The following PDE4D variants were observed in gnomAD, a reference collection of about 807,000 sequenced individuals.
PDE4D encodes 3',5'-cyclic-AMP phosphodiesterase 4D.
Under a neutral mutation model 87.4 loss-of-function variants are expected in PDE4D, and 24 were observed. The observed-to-expected ratio is 0.27, with a 90% CI of 0.20 to 0.39. The LOEUF (loss-of-function observed/expected upper bound fraction) is 0.39. PDE4D is among the 10% of genes least tolerant of loss of function. The probability of loss-of-function intolerance (pLI) is 1.00; values close to 1 mark genes in which losing one functional copy is unlikely to be tolerated. For synonymous variants in PDE4D, 384 were observed against 383.2 expected (o/e 1.00, Z -0.02); for missense variants, 714 against 1,041.0 (o/e 0.69, Z 4.32).
intron 4 of PDE4D, among the ~76,000 whole-genome samples, chr5:59,181,772 G>A (rs1428073071): frequency 1.3e-5 from 2 of 152,046 alleles, no homozygotes; most frequent in South Asian, 2.1e-4. Context: ...TGAAGAACTT[G>A]TTTTAAGTAA....
intron 1 of PDE4D, among the ~76,000 whole-genome samples, chr5:59,617,267 T>C (rs2150094644): frequency 6.6e-6 from 1 of 152,194 alleles, no homozygotes; most frequent in African/African-American, 2.4e-5. Context: ...GGTAGCCCTG[T>C]ATAGTGAAAG....
chr5:60,251,914 G>C lies in PDE4D; in HGVS notation c.-89-66227C>G, dbSNP rs1172396992. On this transcript the variant is annotated intron_variant, in intron 1 of 16. Coordinates refer to the PDE4D transcript ENST00000502484. ...CCTGCAAGCTTCATTCATGGTAAGT[G>C]TCCTATACAGAGGTCACTTTTTTTC... Among the ~76,000 whole-genome samples, 3 of 151,870 alleles carry C rather than the reference G, an allele frequency of 2.0e-5. No individual in the cohort carries two copies. The East Asian group carries it at 5.8e-4, about 29-fold the overall frequency.
chr5:59,815,708 A>T (rs1768900722), intron 1 of PDE4D, among the ~76,000 whole-genome samples: 1 of 152,252 alleles, frequency 6.6e-6, no homozygotes, highest in Non-Finnish European at 1.5e-5. Context: ...AATTTCAACA[A>T]AGCATTTCAC....
At chr5:59,282,760 G>A (rs1424653227) in intron 1 of PDE4D, among the ~76,000 whole-genome samples, 5 of 150,086 alleles carry the variant, frequency 3.3e-5, no homozygotes, top group Non-Finnish European at 7.4e-5. Flanking sequence ...GTTGAAAATT[G>A]TTTTATTAGA....
chr5:60,326,073 G>T (rs1286397994), intron 1 of PDE4D, among the ~76,000 whole-genome samples: 1 of 152,068 alleles, frequency 6.6e-6, no homozygotes. Context: ...CCCACTGAAG[G>T]ACATCTGTGT....
chr5:59,714,191 G>A (rs961968789), intron 1 of PDE4D, among the ~76,000 whole-genome samples: 1 of 152,198 alleles, frequency 6.6e-6, no homozygotes, highest in Non-Finnish European at 1.5e-5. Context: ...ATTTGACTTT[G>A]GCCAGGGTTG....
At chr5:60,470,289 G>T (rs981695224) in intron 1 of PDE4D, among the ~76,000 whole-genome samples, 4 of 152,190 alleles carry the variant, frequency 2.6e-5, no homozygotes. Context: ...AGCTAACAGA[G>T]ATTGATTCAT....
At chr5:59,854,444 T>G (rs761530437) in intron 1 of PDE4D, among the ~76,000 whole-genome samples, 1 of 152,084 alleles carries the variant, frequency 6.6e-6, no homozygotes, top group Non-Finnish European at 1.5e-5. Flanking sequence ...TTATCTTCAT[T>G]CCTTTTCAAG....
At chr5:59,192,543 A>T (rs762950062) in intron 3 of PDE4D, among the ~76,000 whole-genome samples, 1 of 152,220 alleles carries the variant, frequency 6.6e-6, no homozygotes, top group Non-Finnish European at 1.5e-5. Context: ...AGTTGAAAAA[A>T]AAGAGGACCC....
intron 1 of PDE4D, among the ~76,000 whole-genome samples, chr5:60,366,399 A>C (rs187512411): frequency 4.9e-4 from 74 of 152,260 alleles, no homozygotes; most frequent in African/African-American, 1.7e-3. Flanking sequence ...AAAGGCTAAA[A>C]CACCACTATT....
At chr5:59,177,009 C>T (rs1467037140) in intron 5 of PDE4D, among the ~76,000 whole-genome samples, 2 of 152,178 alleles carry the variant, frequency 1.3e-5, no homozygotes, top group African/African-American at 2.4e-5. Flanking sequence ...TCTCACTGTT[C>T]CCTTTCCTTC....
chr5:60,222,177 A>G (rs1744571708), intron 1 of PDE4D, among the ~76,000 whole-genome samples: 1 of 152,112 alleles, frequency 6.6e-6, no homozygotes. Context: ...CATTCACTCC[A>G]GGGCACGTCA....
In PDE4D at chr5:59,732,078, C is replaced by A. The variant is rs545070952; in HGVS notation, c.455+161090G>T. Among the ~76,000 whole-genome samples the A allele has an allele frequency of 2.6e-5, 4 of 152,108 alleles. No individual in the cohort carries two copies. The South Asian group carries it at 8.3e-4, about 32-fold the overall frequency. ...AATCTGTCTAGATAGATCACTGCTG[C>A]GCAAACATCATTGCAGTTCCTAATG... On this transcript the variant is annotated intron_variant, in intron 1 of 14. Transcript: ENST00000340635.
At chr5:60,444,527 C>T (rs1487386080) in intron 1 of PDE4D, among the ~76,000 whole-genome samples, 4 of 152,090 alleles carry the variant, frequency 2.6e-5, no homozygotes, top group Non-Finnish European at 5.9e-5. Context: ...GGAGAGAGAT[C>T]AGCATTGCTT....
chr5:59,510,336 A>C (rs1306771770), intron 1 of PDE4D, among the ~76,000 whole-genome samples: 1 of 151,660 alleles, frequency 6.6e-6, no homozygotes, highest in African/African-American at 2.4e-5. Flanking sequence ...CAAAAAAGTA[A>C]AGGAAAATAA....
At chr5:60,168,727 C>A (rs1425655768) in intron 2 of PDE4D, among the ~76,000 whole-genome samples, 4 of 152,156 alleles carry the variant, frequency 2.6e-5, no homozygotes, top group Non-Finnish European at 5.9e-5. Flanking sequence ...AATAGTTACA[C>A]TGTATTTTTT....
At chr5:60,136,722 C>T (rs1780082710) in intron 2 of PDE4D, among the ~76,000 whole-genome samples, 1 of 152,124 alleles carries the variant, frequency 6.6e-6, no homozygotes. Context: ...AACAAAAACA[C>T]CTATGTTATT....
chr5:60,314,486 A>T (rs1340109926), intron 1 of PDE4D, among the ~76,000 whole-genome samples: 1 of 151,798 alleles, frequency 6.6e-6, no homozygotes, highest in African/African-American at 2.4e-5. Context: ...ATTTTATTTT[A>T]TTTTTTATTA....
intron 2 of PDE4D, among the ~76,000 whole-genome samples, chr5:59,990,259 A>G (rs1055462929): frequency 2.0e-5 from 3 of 152,212 alleles, no homozygotes; most frequent in Non-Finnish European, 2.9e-5. Flanking sequence ...GACCAAATAT[A>G]TAAAGTATTT....
Sources: gnomAD v4.1 joint callset for allele counts (sites outside exome capture counted in the v4.1 genomes callset) on GRCh38, gnomAD v4.1.1 for gene constraint, MANE v1.5 for transcripts, NCBI Gene and HGNC (gene_info 2026-07-23, HGNC 2026-07-21) for gene names.